Variants in PPP6R2 observed in about 807,000 individuals in gnomAD.
The protein encoded by PPP6R2 is protein phosphatase 6 regulatory subunit 2, also known as serine/threonine-protein phosphatase 6 regulatory subunit 2.
In PPP6R2, 62 loss-of-function variants were observed where a neutral mutation model predicts 100.2. The ratio of observed to expected loss-of-function variants is 0.62; its 90% CI spans 0.50 to 0.76. The LOEUF (loss-of-function observed/expected upper bound fraction) is 0.76, where lower values mean the gene tolerates loss of function less well. PPP6R2 is among the 30% of genes least tolerant of loss of function. The probability of loss-of-function intolerance (pLI) is 0.00; values close to 1 mark genes in which losing one functional copy is unlikely to be tolerated. For missense variants in PPP6R2, 1,142 were observed against 1,276.3 expected (o/e 0.89, Z 1.60); for synonymous variants, 525 against 514.7 (o/e 1.02, Z -0.27).
chr22:50,381,696 G>A (rs12158513), intron 2 of PPP6R2, among the ~76,000 whole-genome samples: 45,221 of 151,784 alleles, frequency 0.3, 7,040 homozygotes, highest in South Asian at 0.44. Context: ...CGAGGCGGGT[G>A]GATCACGAGA....
At chr22:50,439,553 T>C (rs2065130826) in intron 19 of PPP6R2, 148 bp from the exon 20 acceptor site, 4 of 870,982 alleles carry the variant, frequency 4.6e-6, no homozygotes, top group Non-Finnish European at 6.8e-6. Flanking sequence ...CTTGAGGGGC[T>C]GACGGGCACT....
intron 3 of PPP6R2, among the ~76,000 whole-genome samples, chr22:50,401,437 G>C (rs1315124570): frequency 1.3e-5 from 2 of 149,702 alleles, no homozygotes; most frequent in East Asian, 4.0e-4. Context: ...TCGATCTCCT[G>C]ACCTCGTGAT....
chr22:50,439,877 G>C lies in PPP6R2; in HGVS notation c.2285+20G>C, dbSNP rs148238631. On this transcript the variant is annotated intron_variant, in intron 20 of 23. Coordinates refer to ENST00000612753, the MANE Select transcript of PPP6R2 (RefSeq NM_001242898.2). ...CTGCTGGTAACAAATGCGCTGGCAGGAGGGGGCTGTGCCAGGAAGTGCCTG... is the reference window on the plus strand; with the variant it reads ...CTGCTGGTAACAAATGCGCTGGCAGCAGGGGGCTGTGCCAGGAAGTGCCTG... The C allele has an allele frequency of 2.4e-3, 3,868 of 1,609,806 alleles. 5 individuals carry two copies. Among genetic ancestry groups the C allele is most frequent in the Non-Finnish European group, 3.0e-3 (3,513 of 1,177,040 alleles).
intron 2 of PPP6R2, among the ~76,000 whole-genome samples, chr22:50,374,960 C>G (rs564059229): frequency 6.0e-5 from 9 of 150,424 alleles, no homozygotes; most frequent in Non-Finnish European, 1.2e-4. Context: ...AACCCACACC[C>G]ATACACTGAA....
At chr22:50,340,973 T>A (rs901998346), upstream of PPP6R2, among the ~76,000 whole-genome samples, 1 of 152,064 alleles carries the variant, frequency 6.6e-6, no homozygotes, top group East Asian at 1.9e-4. Flanking sequence ...TGCAGTGACG[T>A]GATCTTGGCT....
At chr22:50,368,842 G>GAC (rs34217450) in intron 1 of PPP6R2, among the ~76,000 whole-genome samples, 32,536 of 151,946 alleles carry the variant, frequency 0.21, 5,038 homozygotes, top group African/African-American at 0.43. Flanking sequence ...GCTGTTTAGG[G>GAC]ACACACACAT....
rs780631288 is a variant in PPP6R2 at position 50,418,954 on chromosome 22, G to A, written c.706G>A (p.Asp236Asn). The change falls in exon 7 of 24, where the codon GAC becomes AAC. Residue 236 changes from aspartate to asparagine, a missense_variant. By Grantham distance (23) the Asp-to-Asn change is conservative. Coordinates refer to ENST00000612753, the MANE Select transcript of PPP6R2 (RefSeq NM_001242898.2). Reference sequence around the variant, plus strand: ...TCAGCTGCAAGAGGCTCTGGAGCCAGACCCGCTCCTCACAGCGCTGGAGTC... The same window carrying A: ...TCAGCTGCAAGAGGCTCTGGAGCCAAACCCGCTCCTCACAGCGCTGGAGTC... ...GSQLQEALEP[D>N]PLLTALESQD... The A allele has an allele frequency of 5.0e-6, 8 of 1,613,826 alleles. No individual in the cohort carries two copies. The highest frequency in any genetic ancestry group is 5.9e-6 in the Non-Finnish European group (7 of 1,179,744).
intron 13 of PPP6R2, 139 bp downstream of exon 13, chr22:50,435,220 C>T (rs2148229306): frequency 9.8e-6 from 6 of 612,322 alleles, no homozygotes; most frequent in Non-Finnish European, 1.6e-5. Flanking sequence ...CCTCTGTCCT[C>T]TCACTTCACA....
chr22:50,425,867 TGA>T (rs1310590693), intron 10 of PPP6R2, among the ~76,000 whole-genome samples: 1 of 148,710 alleles, frequency 6.7e-6, no homozygotes, highest in Non-Finnish European at 1.5e-5. Context: ...ATTTTTGAAT[TGA>T]GTTTTTTTTT....
At chr22:50,335,446 C>T in the PPP6R2 span, among the ~76,000 whole-genome samples, 4 of 150,368 alleles carry the variant, frequency 2.7e-5, no homozygotes, top group Admixed American at 6.7e-5. Flanking sequence ...CTGCCCGCCT[C>T]GGCCTCCCAA....
In PPP6R2 at chr22:50,438,179, C is replaced by T. The variant is rs150049494; in HGVS notation, c.1845C>T (p.Ser615=). Residue 615 remains serine, a synonymous_variant, in exon 18 of 24, where the codon AGC becomes AGT. Transcript: ENST00000612753. ...FNIDADEDSP[S]AALFEACCSD... is the part of the protein sequence containing the mutation. Reference sequence around the variant, plus strand: ...CTTGGCGTTTTACTCTGCAGCCCAGCGCAGCTCTGTTTGAGGCCTGCTGCA... The same window carrying T: ...CTTGGCGTTTTACTCTGCAGCCCAGTGCAGCTCTGTTTGAGGCCTGCTGCA... 53 of 1,612,398 alleles carry T rather than the reference C, an allele frequency of 3.3e-5. No individual in the cohort carries two copies. In the African/African-American group the frequency reaches 5.9e-4, roughly 18 times the overall value.
upstream of PPP6R2, among the ~76,000 whole-genome samples, chr22:50,341,785 G>A (rs1180198017): frequency 1.3e-5 from 2 of 152,110 alleles, no homozygotes; most frequent in South Asian, 2.1e-4. Context: ...ACGAGGTCAG[G>A]AGATCAAGAC....
intron 1 of PPP6R2, among the ~76,000 whole-genome samples, chr22:50,350,011 G>A (rs2044674207): frequency 6.6e-6 from 1 of 151,744 alleles, no homozygotes; most frequent in South Asian, 2.1e-4. Flanking sequence ...CCAGCTATTC[G>A]GGAGCCTGAG....
the PPP6R2 span, among the ~76,000 whole-genome samples, chr22:50,334,714 C>T: frequency 6.6e-6 from 1 of 152,004 alleles, no homozygotes; most frequent in Non-Finnish European, 1.5e-5. Context: ...GCCTATAATC[C>T]TAGCACTTTG....
the PPP6R2 span, among the ~76,000 whole-genome samples, chr22:50,334,183 G>A: frequency 5.3e-5 from 8 of 152,352 alleles, no homozygotes; most frequent in Non-Finnish European, 8.8e-5. Flanking sequence ...GGGCCTGACT[G>A]ATGTCAGGCC....
the PPP6R2 span, among the ~76,000 whole-genome samples, chr22:50,332,655 C>T: frequency 6.4e-3 from 920 of 144,232 alleles, 7 homozygotes; most frequent in African/African-American, 0.023. Flanking sequence ...GATGGAGTCT[C>T]GCTCTGTCAC....
intron 10 of PPP6R2, among the ~76,000 whole-genome samples, chr22:50,428,529 A>C (rs1055851263): frequency 2.0e-5 from 3 of 152,180 alleles, no homozygotes; most frequent in African/African-American, 7.2e-5. Context: ...TGGGCAACAT[A>C]GTGAGACCTG....
Position 50,438,580 on chromosome 22 carries a change from G to A in PPP6R2, c.1965-19G>A. 1 of 1,613,018 alleles carries A rather than the reference G, an allele frequency of 6.2e-7. No homozygotes were observed. Among genetic ancestry groups the A allele is most frequent in the African/African-American group, 1.3e-5 (1 of 75,002 alleles). ...GTCCGTCCTGGGCCACCAGACATCTGACTCTGAATCTCCCCCAGGTTTGGA... is the reference window on the plus strand; with the variant it reads ...GTCCGTCCTGGGCCACCAGACATCTAACTCTGAATCTCCCCCAGGTTTGGA... On this transcript the variant is annotated intron_variant, in intron 18 of 23. Transcript: ENST00000612753.
Position 50,351,101 on chromosome 22 carries a change from C to T in PPP6R2, c.-148+7551C>T, listed in dbSNP as rs373161396. On this transcript the variant is annotated intron_variant, in intron 1 of 23. Coordinates refer to ENST00000612753, the MANE Select transcript of PPP6R2 (RefSeq NM_001242898.2). ...TGTTGCCCAGGCTGGAGTGCAATGG[C>T]GCAATCTTGGCTCACCGCAACCTAA... Among the ~76,000 whole-genome samples, 36 of 120,874 alleles carry T rather than the reference C, an allele frequency of 3.0e-4. No individual in the cohort carries two copies. In the South Asian group the frequency reaches 8.3e-3, roughly 28 times the overall value. The allele number at this position is 120,874 out of a possible 152,430, so 79.3% of individuals were successfully genotyped here. A position where few individuals can be genotyped will look rare whatever the true frequency, so the allele number is the denominator to read the frequency against.
Sources: gnomAD v4.1 joint callset for allele counts (sites outside exome capture counted in the v4.1 genomes callset) on GRCh38, gnomAD v4.1.1 for gene constraint, MANE v1.5 for transcripts, NCBI Gene and HGNC (gene_info 2026-07-23, HGNC 2026-07-21) for gene names.